Variants in RBM10 observed in about 807,000 individuals in gnomAD.
RBM10 encodes RNA binding motif protein 10.
RBM10 carries 1 observed loss-of-function variant against 84.9 expected under a neutral mutation model. The observed-to-expected ratio is 0.01, with a 90% CI of 0.00 to 0.06. The LOEUF (loss-of-function observed/expected upper bound fraction) is 0.06. RBM10 is among the 10% of genes least tolerant of loss of function. The probability of loss-of-function intolerance (pLI) is 1.00; values close to 1 mark genes in which losing one functional copy is unlikely to be tolerated. For missense variants in RBM10, 438 were observed against 839.0 expected (o/e 0.52, Z 5.90); for synonymous variants, 326 against 344.5 (o/e 0.95, Z 0.60).
At chrX:47,179,593 A>C in intron 9 of RBM10, 98 bp downstream of exon 9, 3 of 957,199 alleles carry the variant, frequency 3.1e-6, no homozygotes, top group Non-Finnish European at 4.3e-6. Flanking sequence ...ATCCTCATGG[A>C]ATCTCCACTT....
intron 2 of RBM10, among the ~76,000 whole-genome samples, chrX:47,160,115 C>T (rs782352644): frequency 3.6e-5 from 4 of 110,821 alleles, no homozygotes; most frequent in Non-Finnish European, 7.6e-5. Flanking sequence ...CCAGCCTGGG[C>T]GACAAGAGTG....
intron 5 of RBM10, among the ~76,000 whole-genome samples, chrX:47,174,041 C>A (rs904344343): frequency 9.6e-6 from 1 of 103,755 alleles, no homozygotes; most frequent in East Asian, 3.1e-4. Context: ...GCATGCCCCC[C>A]CAAGCCCCTC....
At chrX:47,177,657 G>A (rs897778675) in intron 7 of RBM10, among the ~76,000 whole-genome samples, 19 of 106,936 alleles carry the variant, frequency 1.8e-4, no homozygotes, top group South Asian at 4.1e-4. Context: ...TGGCTCTGTC[G>A]CCCAGGCTGG....
chrX:47,186,107 T>C lies in RBM10; in HGVS notation c.2473T>C (p.Tyr825His). Residue 825 changes from tyrosine to histidine, a missense_variant, in exon 22 of 24, where the codon TAT (tyrosine) becomes CAT (histidine). Physicochemically the swap from Tyr to His is moderately conservative, Grantham distance 83 (BLOSUM62 2). Coordinates refer to ENST00000377604, the MANE Select transcript of RBM10 (RefSeq NM_005676.5). Reference protein sequence around the residue: ...RDRAAERREKYGIPEPPEPKR... With the variant: ...RDRAAERREKHGIPEPPEPKR... ...CCGTGCAGCTGAACGCAGAGAAAAG[T>C]ATGGCATCCCCGAGCCGCCAGAGCC... 1.6e-6 allele frequency: 2 copies of C among 1,212,212 alleles called. No homozygotes were observed. The highest frequency in any genetic ancestry group is 2.2e-6 in the Non-Finnish European group (2 of 895,594).
chrX:47,167,822 T>C (rs1934346639), intron 2 of RBM10, among the ~76,000 whole-genome samples: 1 of 112,586 alleles, frequency 8.9e-6, no homozygotes, highest in African/African-American at 3.2e-5. Flanking sequence ...CCCAGCATCC[T>C]TACTGATTTA....
chrX:47,151,326 T>A (rs941414440), intron 2 of RBM10, among the ~76,000 whole-genome samples: 2 of 111,896 alleles, frequency 1.8e-5, no homozygotes, highest in East Asian at 5.5e-4. Flanking sequence ...TCTTATTTTT[T>A]AAAAAATATT....
chrX:47,172,146 C>T (rs947379614), intron 4 of RBM10, among the ~76,000 whole-genome samples: 2 of 112,121 alleles, frequency 1.8e-5, no homozygotes, highest in African/African-American at 3.2e-5. Flanking sequence ...TTCCATCCTT[C>T]GGATGAGGAA....
intron 3 of RBM10, among the ~76,000 whole-genome samples, 199 bp downstream of exon 3, chrX:47,169,697 C>T (rs1425186375): frequency 9.0e-6 from 1 of 111,729 alleles, no homozygotes; most frequent in African/African-American, 3.3e-5. Context: ...TCCCTGGCTT[C>T]CACATGCTTG....
chrX:47,145,253 C>CT lies in RBM10; in HGVS notation c.-356dup. 2.0e-6 allele frequency: 1 copy of CT among 489,572 alleles called. No individual in the cohort carries two copies. The allele number at this position is 489,572 out of a possible 1,213,427, so 40.3% of individuals were successfully genotyped here. ...GGATGGTGGTCGGAGCGCCGACTCC[C>CT]TTCTCGTCGTCGCCATTTTGAGCTG... On this transcript the variant is annotated 5_prime_UTR_variant, in exon 1 of 24. It removes the in-frame stop codon of an upstream open reading frame in the 5' UTR. Transcript: ENST00000377604.
intron 4 of RBM10, among the ~76,000 whole-genome samples, chrX:47,172,535 C>T (rs1475990764): frequency 8.9e-6 from 1 of 112,283 alleles, no homozygotes; most frequent in Non-Finnish European, 1.9e-5. Context: ...CTGGCCTACT[C>T]CATCTGGGAA....
chrX:47,151,708 G>A, intron 2 of RBM10, among the ~76,000 whole-genome samples: 1 of 112,004 alleles, frequency 8.9e-6, no homozygotes, highest in Non-Finnish European at 1.9e-5. Flanking sequence ...CTTCTGTGTA[G>A]CCATCCTCAG....
rs782127642 is a variant in RBM10 at position 47,179,954 on chromosome X, C to T, written c.976C>T (p.Leu326=). The T allele has an allele frequency of 8.3e-7, 1 of 1,211,329 alleles. No homozygotes were observed. The highest frequency in any genetic ancestry group is 1.8e-5 in the South Asian group (1 of 56,935). Reference sequence around the variant, plus strand: ...GGGGGCCCTGGCACCCTACGCGGTGCTGTCCTCCTCCAACGTGCGCGTCAT... The same window carrying T: ...GGGGGCCCTGGCACCCTACGCGGTGTTGTCCTCCTCCAACGTGCGCGTCAT... ...ILGALAPYAV[L]SSSNVRVIKD... is the part of the protein sequence containing the mutation. Residue 326 remains leucine, a synonymous_variant, in exon 10 of 24, where the codon CTG becomes TTG. Transcript: ENST00000377604.
Position 47,155,602 on chromosome X carries a change from G to A in RBM10, c.17+8104G>A, listed in dbSNP as rs1479945282. On this transcript the variant is annotated intron_variant, in intron 2 of 23. Transcript: ENST00000377604. ...AAAAAAATTAGCCGGCTGTGGTGGC[G>A]GGCGCCTGTAGTCCCAGCTACTTGG... Among the ~76,000 whole-genome samples, 5 of 105,174 alleles carry A rather than the reference G, an allele frequency of 4.8e-5. No individual in the cohort carries two copies. In the East Asian group the frequency reaches 1.2e-3, roughly 26 times the overall value. The allele number at this position is 105,174 out of a possible 115,157, so 91.3% of individuals were successfully genotyped here. A position where few individuals can be genotyped will look rare whatever the true frequency, so the allele number is the denominator to read the frequency against.
At chrX:47,184,904 C>A in intron 17 of RBM10, 151 bp from the exon 18 acceptor site, 1 of 645,789 alleles carries the variant, frequency 1.5e-6, no homozygotes, top group Non-Finnish European at 2.4e-6. Context: ...GAGCCGTAGC[C>A]CAGAGGCCAG....
intron 2 of RBM10, among the ~76,000 whole-genome samples, chrX:47,150,870 T>C (rs1413276259): frequency 8.9e-6 from 1 of 112,084 alleles, no homozygotes; most frequent in Non-Finnish European, 1.9e-5. Context: ...TTTTGATCGA[T>C]GTTACACTGA....
chrX:47,155,846 G>A (rs1276654537), intron 2 of RBM10, among the ~76,000 whole-genome samples: 5 of 18,218 alleles, frequency 2.7e-4, no homozygotes, highest in African/African-American at 4.9e-4. Flanking sequence ...TTTTGTTCTT[G>A]TTGCCTAGGC....
intron 2 of RBM10, among the ~76,000 whole-genome samples, chrX:47,149,338 TTTTG>T (rs1221083486): frequency 1.9e-5 from 2 of 107,363 alleles, no homozygotes; most frequent in Non-Finnish European, 3.9e-5. Context: ...TGCTGTTTTT[TTTTG>T]TTTGTTTGTT....
At chrX:47,167,353 T>A (rs1934302158) in intron 2 of RBM10, among the ~76,000 whole-genome samples, 1 of 109,583 alleles carries the variant, frequency 9.1e-6, no homozygotes, top group African/African-American at 3.3e-5. Flanking sequence ...TCAGTTATTC[T>A]ATATTTTCTT....
chrX:47,186,587 C>A lies in RBM10; in HGVS notation c.2781C>A (p.Asn927Lys). The change falls in exon 24 of 24, where the codon AAC (asparagine) becomes AAA (lysine). Residue 927 changes from asparagine to lysine, a missense_variant. Asn to Lys is a moderately conservative substitution (Grantham distance 94). Transcript: ENST00000377604. The stretch of plus-strand genomic sequence containing the variant: ...ACAAGACAATGGTGACCCGCTTCAA[C>A]GAGGCCCAGTGAGCAGCTTCAAGAG... ...TLHKTMVTRF[N>K]EAQ The A allele has an allele frequency of 8.3e-7, 1 of 1,211,889 alleles. No homozygotes were observed. The highest frequency in any genetic ancestry group is 1.1e-6 in the Non-Finnish European group (1 of 895,511).
Sources: gnomAD v4.1 joint callset for allele counts (sites outside exome capture counted in the v4.1 genomes callset) on GRCh38, gnomAD v4.1.1 for gene constraint, MANE v1.5 for transcripts, NCBI Gene and HGNC (gene_info 2026-07-23, HGNC 2026-07-21) for gene names.